CTNNBL1: variants seen among roughly 807,000 people sequenced by gnomAD.
CTNNBL1 encodes catenin beta like 1, also known as beta-catenin-like protein 1.
In CTNNBL1, 31 loss-of-function variants were observed where a neutral mutation model predicts 72.7. That is an observed-to-expected ratio of 0.43 (90% CI 0.32 to 0.58). The LOEUF (loss-of-function observed/expected upper bound fraction) is 0.58. Ranked by LOEUF, CTNNBL1 falls within the 20% of genes least tolerant of loss-of-function variation. The probability of loss-of-function intolerance (pLI) is 0.08; values close to 1 mark genes in which losing one functional copy is unlikely to be tolerated. For synonymous variants in CTNNBL1, 240 were observed against 267.3 expected (o/e 0.90, Z 1.00); for missense variants, 534 against 725.1 (o/e 0.74, Z 3.03).
At chr20:37,707,006 AATT>A (rs1895338811) in intron 1 of CTNNBL1, among the ~76,000 whole-genome samples, 1 of 151,996 alleles carries the variant, frequency 6.6e-6, no homozygotes, top group Non-Finnish European at 1.5e-5. Context: ...TTTTGGAAGA[AATT>A]TTTTTTTTTC....
At chr20:37,739,207 C>T (rs1305298746) in intron 3 of CTNNBL1, among the ~76,000 whole-genome samples, 1 of 152,078 alleles carries the variant, frequency 6.6e-6, no homozygotes, top group Non-Finnish European at 1.5e-5. Context: ...TCCTTCACTA[C>T]TCTGATCCCT....
chr20:37,826,154 A>G (rs1428061731), intron 11 of CTNNBL1, among the ~76,000 whole-genome samples: 1 of 152,232 alleles, frequency 6.6e-6, no homozygotes, highest in Non-Finnish European at 1.5e-5. Flanking sequence ...CTCTGCATTC[A>G]TAGAGAGAAG....
At chr20:37,750,266 A>G (rs964060985) in intron 4 of CTNNBL1, 5 of 152,366 alleles carry the variant, frequency 3.3e-5, no homozygotes, top group African/African-American at 9.6e-5. Context: ...GCTGGAGCCC[A>G]GCTATCGGTT....
At chr20:37,836,192 G>T (rs1568803305) in intron 11 of CTNNBL1, among the ~76,000 whole-genome samples, 1 of 152,166 alleles carries the variant, frequency 6.6e-6, no homozygotes, top group Non-Finnish European at 1.5e-5. Context: ...AGGCAAAGAA[G>T]GAACATTGAT....
intron 10 of CTNNBL1, among the ~76,000 whole-genome samples, chr20:37,780,158 A>G (rs1295843343): frequency 6.6e-6 from 1 of 151,982 alleles, no homozygotes; most frequent in African/African-American, 2.4e-5. Context: ...ATTTAAAAAA[A>G]AAAAAAACAA....
In CTNNBL1 at chr20:37,823,899, G is replaced by GT. The variant is rs370810596; in HGVS notation, c.1214-16202dup. 1.0e-3 allele frequency among the ~76,000 whole-genome samples: 155 copies of GT among 152,338 alleles called. 2 individuals are homozygous for GT. Among genetic ancestry groups the GT allele is most frequent in the African/African-American group, 3.5e-3 (146 of 41,582 alleles). On this transcript the variant is annotated intron_variant, in intron 11 of 15. Transcript: ENST00000361383. ...GGCCCTTGCATGCTATCCAGGGCTA[G>GT]TGAGAAGACAGTGAGCAAACCACTG...
rs189300578 is a variant in CTNNBL1 at position 37,719,909 on chromosome 20, C to T, written c.31-12970C>T. Among the ~76,000 whole-genome samples, 240 of 150,612 alleles carry T rather than the reference C, an allele frequency of 1.6e-3. 1 individual carries two copies. In the East Asian group the frequency reaches 0.025, roughly 16 times the overall value. On this transcript the variant is annotated intron_variant, in intron 1 of 15. Coordinates refer to ENST00000361383, the MANE Select transcript of CTNNBL1 (RefSeq NM_030877.5). ...AGGCTGGAGTGCAGTGATGTGATCT[C>T]GGCTCACTGCTGCCTTGATCTCCTG...
At chr20:37,833,477 T>C (rs1600516872) in intron 11 of CTNNBL1, among the ~76,000 whole-genome samples, 3 of 152,148 alleles carry the variant, frequency 2.0e-5, no homozygotes, top group East Asian at 1.9e-4. Context: ...TCTGTAACGC[T>C]CCACCTAGAT....
At chr20:37,709,812 G>T (rs1036138371) in intron 1 of CTNNBL1, among the ~76,000 whole-genome samples, 1 of 152,202 alleles carries the variant, frequency 6.6e-6, no homozygotes, top group Non-Finnish European at 1.5e-5. Flanking sequence ...AAAAAAGGTG[G>T]CACAGATTGT....
chr20:37,801,651 C>T (rs1230358398), intron 10 of CTNNBL1, among the ~76,000 whole-genome samples: 1 of 152,168 alleles, frequency 6.6e-6, no homozygotes, highest in Non-Finnish European at 1.5e-5. Context: ...GCATCTGACA[C>T]AGCCCAACAT....
At chr20:37,857,687 G>A (rs2072454948) in intron 13 of CTNNBL1, among the ~76,000 whole-genome samples, 3 of 152,220 alleles carry the variant, frequency 2.0e-5, no homozygotes, top group Admixed American at 6.5e-5. Flanking sequence ...GAATGTGGAA[G>A]AGTGGAAAGC....
At chr20:37,787,922 C>T (rs1600488182) in intron 10 of CTNNBL1, among the ~76,000 whole-genome samples, 1 of 152,082 alleles carries the variant, frequency 6.6e-6, no homozygotes, top group African/African-American at 2.4e-5. Flanking sequence ...TTCTAGTCCC[C>T]TCAAGATCTG....
At chr20:37,818,525 A>G (rs542999782) in intron 11 of CTNNBL1, among the ~76,000 whole-genome samples, 21 of 152,258 alleles carry the variant, frequency 1.4e-4, no homozygotes, top group South Asian at 1.2e-3. Flanking sequence ...GGTTTGACCT[A>G]AAAGCTCAGT....
chr20:37,852,341 C>A (rs960209065), intron 13 of CTNNBL1, among the ~76,000 whole-genome samples: 15 of 152,214 alleles, frequency 9.9e-5, no homozygotes, highest in African/African-American at 3.6e-4. Context: ...GATTTGCATG[C>A]CCCTGTTGTC....
rs148901803 is a variant in CTNNBL1 at position 37,828,192 on chromosome 20, G to T, written c.1214-11910G>T. Among the ~76,000 whole-genome samples, 305 of 152,224 alleles carry T rather than the reference G, an allele frequency of 2.0e-3. 2 individuals are homozygous for T. The highest frequency in any genetic ancestry group is 7.1e-3 in the African/African-American group (293 of 41,522). On this transcript the variant is annotated intron_variant, in intron 11 of 15. Coordinates refer to ENST00000361383, the MANE Select transcript of CTNNBL1 (RefSeq NM_030877.5). ...GAAGGTACAGATACGACTGAGACGC[G>T]GGCCTGGCCTTTGAGTTTACCATCT...
intron 11 of CTNNBL1, among the ~76,000 whole-genome samples, chr20:37,822,583 T>C (rs1037099304): frequency 6.6e-6 from 1 of 152,232 alleles, no homozygotes; most frequent in Non-Finnish European, 1.5e-5. Flanking sequence ...TTCTCACAAC[T>C]CATTCTGCTA....
At chr20:37,755,545 A>G (rs2073356573) in intron 4 of CTNNBL1, among the ~76,000 whole-genome samples, 1 of 152,206 alleles carries the variant, frequency 6.6e-6, no homozygotes, top group African/African-American at 2.4e-5. Context: ...GTGAAGGAGT[A>G]AGACACAGAA....
At chr20:37,820,425 A>G (rs2072096029) in intron 11 of CTNNBL1, among the ~76,000 whole-genome samples, 1 of 152,156 alleles carries the variant, frequency 6.6e-6, no homozygotes, top group Non-Finnish European at 1.5e-5. Context: ...TACTATTGGA[A>G]TTCTTGCCAC....
chr20:37,857,967 G>A lies in CTNNBL1; in HGVS notation c.1393-1932G>A, dbSNP rs149273107. ...TCACTTTGGGAGGCCAAGGCGGGAGGATCACTTGAACCTAGGAGCTCAAAG... is the reference window on the plus strand; with the variant it reads ...TCACTTTGGGAGGCCAAGGCGGGAGAATCACTTGAACCTAGGAGCTCAAAG... On this transcript the variant is annotated intron_variant, in intron 13 of 15. Coordinates refer to ENST00000361383, the MANE Select transcript of CTNNBL1 (RefSeq NM_030877.5). Among the ~76,000 whole-genome samples, 1,471 of 152,286 alleles carry A rather than the reference G, an allele frequency of 9.7e-3. 18 individuals carry two copies. The highest frequency in any genetic ancestry group is 0.034 in the Middle Eastern group (10 of 294).
Sources: allele counts gnomAD v4.1 joint callset (sites outside exome capture counted in the v4.1 genomes callset), GRCh38; gene constraint gnomAD v4.1.1; transcripts MANE v1.5; gene names NCBI Gene and HGNC (gene_info 2026-07-23, HGNC 2026-07-21).